TBX1: variants seen among roughly 807,000 people sequenced by gnomAD.
TBX1 encodes T-box transcription factor TBX1.
Under a neutral mutation model 40.8 loss-of-function variants are expected in TBX1, and 16 were observed. That is an observed-to-expected ratio of 0.39 (90% CI 0.27 to 0.60). TBX1 has a LOEUF of 0.60. TBX1 is among the 20% of genes least tolerant of loss of function. The pLI, the probability that TBX1 is intolerant of heterozygous loss-of-function variation, is 0.51. For missense variants in TBX1, 755 were observed against 728.5 expected (o/e 1.04, Z -0.42); for synonymous variants, 403 against 336.8 (o/e 1.20, Z -2.15).
Position 19,761,141 on chromosome 22 carries a change from GC to G in TBX1, c.300del (p.Ser101AlafsTer10). 6.8e-7 allele frequency: 1 copy of G among 1,465,126 alleles called. No individual in the cohort carries two copies. The highest frequency in any genetic ancestry group is 9.1e-7 in the Non-Finnish European group (1 of 1,100,260). 90.8% of individuals were successfully genotyped at this position (1,465,126 alleles called of 1,614,324 possible). On this transcript the variant is annotated frameshift_variant, in exon 1 of 7. Coordinates refer to ENST00000649276, the MANE Select transcript of TBX1 (RefSeq NM_001379200.1). LOFTEE classifies it high-confidence loss of function. The stretch of plus-strand genomic sequence containing the variant: ...CGCCGCCGAGCCCGAGGGCCCCGGG[GC>G]CAGCTGCGCGGCCGCAGCCAAGGCG... ...SAAAEPEGPG[A>X]SCAAAAKAPV...
At chr22:19,760,719 G>C (rs1469244584), upstream of TBX1, among the ~76,000 whole-genome samples, 25 of 138,554 alleles carry the variant, frequency 1.8e-4, no homozygotes, top group African/African-American at 6.0e-4. Flanking sequence ...GCGCCTCCTC[G>C]GGGCCGGCCT....
intron 8 of TBX1, among the ~76,000 whole-genome samples, chr22:19,776,639 G>A (rs189491969): frequency 6.6e-6 from 1 of 152,208 alleles, no homozygotes; most frequent in African/African-American, 2.4e-5. Flanking sequence ...AAGCAGAACC[G>A]CATGTGATCA....
Position 19,766,735 on chromosome 22 carries a change from G to GCACCACCAC in TBX1, c.1391_1399dup (p.His464_His466dup). On this transcript the variant is annotated inframe_insertion, in exon 7 of 7. Transcript: ENST00000649276. Reference sequence around the variant, plus strand: ...ACGGCTACCACCCGCACGCGCATCCGCACCACCACCACCACCCCGTGAGTC... The same window carrying GCACCACCAC: ...ACGGCTACCACCCGCACGCGCATCCGCACCACCACCACCACCACCACCACCCCGTGAGTC... The GCACCACCAC allele has an allele frequency of 6.5e-7, 1 of 1,541,898 alleles. No homozygotes were observed. The highest frequency in any genetic ancestry group is 8.7e-7 in the Non-Finnish European group (1 of 1,153,900).
At chr22:19,782,519 C>T (rs1326795934), downstream of TBX1, among the ~76,000 whole-genome samples, 3 of 152,110 alleles carry the variant, frequency 2.0e-5, no homozygotes, top group Non-Finnish European at 2.9e-5. Context: ...CTGAGATGAG[C>T]GATTCTTTGG....
chr22:19,764,399 A>C, intron 3 of TBX1, 73 bp downstream of exon 3: 1 of 1,584,514 alleles, frequency 6.3e-7, no homozygotes. Flanking sequence ...TGTCCCTAAG[A>C]GGCCTGTAGA....
rs1480141353 is a variant in TBX1 at position 19,763,255 on chromosome 22, C to T, written c.452C>T (p.Thr151Ile). Residue 151 changes from threonine to isoleucine, a missense_variant, in exon 2 of 7, where the codon ACC becomes ATC. Physicochemically the swap from Thr to Ile is moderately conservative, Grantham distance 89. Transcript: ENST00000649276. Reference protein sequence around the residue: ...VTKAGRRMFPTFQVKLFGMDP... With the variant: ...VTKAGRRMFPIFQVKLFGMDP... ...ATCACCCCCAGGCGGATGTTTCCCA[C>T]CTTCCAAGTGAAGCTCTTCGGCATG... The T allele has an allele frequency of 6.2e-7, 1 of 1,614,148 alleles. No homozygotes were observed.
At chr22:19,758,758 G>A (rs1011390500), upstream of TBX1, among the ~76,000 whole-genome samples, 3 of 152,216 alleles carry the variant, frequency 2.0e-5, no homozygotes, top group South Asian at 4.1e-4. Context: ...CCTGGCCAGA[G>A]GCGGGCGGTG....
chr22:19,762,486 C>T (rs937624589), intron 1 of TBX1, among the ~76,000 whole-genome samples: 4 of 152,248 alleles, frequency 2.6e-5, no homozygotes, highest in Non-Finnish European at 1.5e-5. Flanking sequence ...TGGCCTACAC[C>T]CGTCCAGGCA....
At chr22:19,773,881 T>C (rs1040674644) in intron 8 of TBX1, among the ~76,000 whole-genome samples, 2 of 152,162 alleles carry the variant, frequency 1.3e-5, no homozygotes, top group Non-Finnish European at 2.9e-5. Context: ...AGCCGCCGAG[T>C]TTCCCTCCTG....
At position 19,777,376 on chromosome 22, in the gene TBX1, T is replaced by G. The variant is rs184596383; in HGVS notation, c.1010-1844T>G. ...GTTTCCAGTTTCATCCATGTCCCTATGAAGGACATGAGCTCTTCATTTTTT... is the reference window on the plus strand; with the variant it reads ...GTTTCCAGTTTCATCCATGTCCCTAGGAAGGACATGAGCTCTTCATTTTTT... On this transcript the variant is annotated intron_variant, in intron 8 of 8. Transcript: ENST00000329705. Among the ~76,000 whole-genome samples the G allele has an allele frequency of 3.1e-3, 469 of 152,356 alleles. 3 individuals carry two copies. Among genetic ancestry groups the G allele is most frequent in the African/African-American group, 0.011 (447 of 41,580 alleles).
intron 8 of TBX1, among the ~76,000 whole-genome samples, chr22:19,778,439 CTT>C (rs111819861): frequency 6.9e-6 from 1 of 143,920 alleles, no homozygotes. Flanking sequence ...TTTTCTTCTT[CTT>C]TTTTTTTTTT....
In TBX1 at chr22:19,766,426, G is replaced by C. The variant is rs1955908101; in HGVS notation, c.1074G>C (p.Ala358=). 8.9e-6 allele frequency: 12 copies of C among 1,343,728 alleles called. No homozygotes were observed. The highest frequency in any genetic ancestry group is 1.2e-5 in the Non-Finnish European group (12 of 1,043,038). 83.2% of individuals were successfully genotyped at this position (1,343,728 alleles called of 1,614,324 possible). A position where few individuals can be genotyped will look rare whatever the true frequency, so the allele number is the denominator to read the frequency against. Residue 358 remains alanine, a synonymous_variant, in exon 7 of 7, where the codon GCG becomes GCC. Transcript: ENST00000649276. Reference sequence around the variant, plus strand: ...CCCGGCGAGAATTCCAGCGCGACGCGGGCGGGCCAGCAGTGCTCGGGGACC... The same window carrying C: ...CCCGGCGAGAATTCCAGCGCGACGCCGGCGGGCCAGCAGTGCTCGGGGACC... ...AEARREFQRD[A]GGPAVLGDPA... is the part of the protein sequence containing the mutation.
chr22:19,763,107 C>A, intron 1 of TBX1, 134 bp from the exon 2 acceptor site: 1 of 731,610 alleles, frequency 1.4e-6, no homozygotes, highest in Non-Finnish European at 2.4e-6. Context: ...AAAGATGGAG[C>A]CCAAGGGCTG....
intron 6 of TBX1, 30 bp from the exon 7 acceptor site, chr22:19,766,359 G>T: frequency 7.9e-7 from 1 of 1,258,316 alleles, no homozygotes; most frequent in Non-Finnish European, 1.0e-6. Flanking sequence ...GCCCCGGCCG[G>T]CCGCGCTCAC....
upstream of TBX1, chr22:19,759,657 C>T (rs1359225612): frequency 6.2e-7 from 1 of 1,612,432 alleles, no homozygotes; most frequent in African/African-American, 1.3e-5. Flanking sequence ...CACTTCAGCA[C>T]CGTCACCAGG....
chr22:19,777,758 ATT>A (rs55676186), intron 8 of TBX1, among the ~76,000 whole-genome samples: 68 of 129,688 alleles, frequency 5.2e-4, no homozygotes, highest in Non-Finnish European at 6.3e-4. Flanking sequence ...GTTACTCTTA[ATT>A]TTTTTTTTTT....
intron 8 of TBX1, among the ~76,000 whole-genome samples, chr22:19,776,875 C>T (rs889095855): frequency 4.6e-5 from 7 of 151,912 alleles, no homozygotes; most frequent in African/African-American, 1.5e-4. Context: ...GGTGCCGTGC[C>T]GCGTGGCTCT....
At chr22:19,758,212 A>G (rs150965211), upstream of TBX1, among the ~76,000 whole-genome samples, 295 of 151,734 alleles carry the variant, frequency 1.9e-3, 4 homozygotes, top group South Asian at 0.023. Flanking sequence ...CCTGCCTCCC[A>G]CTCCCATCCT....
chr22:19,772,185 T>C (rs1938124043), downstream of TBX1, among the ~76,000 whole-genome samples: 3 of 151,500 alleles, frequency 2.0e-5, no homozygotes, highest in African/African-American at 7.3e-5. Context: ...TCACTGCAAC[T>C]TCCGCCTCCT....
Sources: allele counts gnomAD v4.1 joint callset (sites outside exome capture counted in the v4.1 genomes callset), GRCh38; gene constraint gnomAD v4.1.1; transcripts MANE v1.5; gene names NCBI Gene and HGNC (gene_info 2026-07-23, HGNC 2026-07-21).